The following TLL1 variants were observed in gnomAD, a reference collection of about 807,000 sequenced individuals.
TLL1 encodes tolloid-like protein 1.
TLL1 carries 49 observed loss-of-function variants against 128.2 expected under a neutral mutation model. The ratio of observed to expected loss-of-function variants is 0.38; its 90% confidence interval spans 0.30 to 0.48. TLL1 has a LOEUF of 0.48. Among genes scored for constraint, TLL1 ranks in the 20% least tolerant of loss-of-function variants. The pLI is 0.96. For synonymous variants in TLL1, 454 were observed against 418.8 expected (o/e 1.08, Z -1.03); for missense variants, 1,123 against 1,242.0 (o/e 0.90, Z 1.44).
chr4:166,104,268 A>G lies in TLL1; in HGVS notation c.*3392A>G, dbSNP rs1232175284. On this transcript the variant is annotated 3_prime_UTR_variant, in exon 21 of 21. Transcript: ENST00000061240. ...ATTTTTAAAAGAAACATTAAATTAT[A>G]TCTTTATGTAGATTTAGAAGGACTG... 6.6e-6 allele frequency among the ~76,000 whole-genome samples: 1 copy of G among 151,926 alleles called. No homozygotes were observed. The highest frequency in any genetic ancestry group is 1.5e-5 in the Non-Finnish European group (1 of 67,910).
At chr4:165,934,008 T>C (rs966181921) in intron 1 of TLL1, among the ~76,000 whole-genome samples, 2 of 151,772 alleles carry the variant, frequency 1.3e-5, no homozygotes, top group Non-Finnish European at 2.9e-5. Context: ...CCTCTCTTTC[T>C]TTTTTTTGAG....
At chr4:166,087,474 A>G (rs1003313720) in intron 18 of TLL1, among the ~76,000 whole-genome samples, 4 of 152,116 alleles carry the variant, frequency 2.6e-5, no homozygotes, top group African/African-American at 9.7e-5. Flanking sequence ...ATTTTGTGGG[A>G]AACCAAATGC....
chr4:165,991,206 T>C (rs1736623149), intron 2 of TLL1, among the ~76,000 whole-genome samples: 1 of 152,004 alleles, frequency 6.6e-6, no homozygotes, highest in Admixed American at 6.6e-5. Flanking sequence ...ATTGTTAAAC[T>C]CTGAGACCAT....
intron 1 of TLL1, among the ~76,000 whole-genome samples, chr4:165,923,998 A>G (rs542801002): frequency 2.0e-5 from 3 of 152,264 alleles, no homozygotes; most frequent in Admixed American, 6.5e-5. Flanking sequence ...AACCATGCCC[A>G]TATAAGACAG....
At chr4:165,961,760 T>C (rs1735116395) in intron 1 of TLL1, among the ~76,000 whole-genome samples, 1 of 152,166 alleles carries the variant, frequency 6.6e-6, no homozygotes, top group Admixed American at 6.6e-5. Flanking sequence ...GATAACTGGC[T>C]AGCCATATGC....
chr4:165,929,229 G>C (rs1733406206), intron 1 of TLL1, among the ~76,000 whole-genome samples: 1 of 152,176 alleles, frequency 6.6e-6, no homozygotes, highest in African/African-American at 2.4e-5. Context: ...AGTCAGCTTA[G>C]AGAATGTCAC....
At chr4:166,076,774 A>T (rs1181596499) in intron 17 of TLL1, among the ~76,000 whole-genome samples, 5 of 152,188 alleles carry the variant, frequency 3.3e-5, no homozygotes, top group Non-Finnish European at 7.3e-5. Context: ...TTGCTACCAT[A>T]ATCATAGATT....
At position 166,092,284 on chromosome 4, in the gene TLL1, A is replaced by G. The variant is rs553603295; in HGVS notation, c.2656+943A>G. Reference sequence around the variant, plus strand: ...CATAATTTTAACTATTCCATTATCCAACATTATTTTTCATTCTAGTATATT... The same window carrying G: ...CATAATTTTAACTATTCCATTATCCGACATTATTTTTCATTCTAGTATATT... On this transcript the variant is annotated intron_variant, in intron 19 of 20. Coordinates refer to ENST00000061240, the MANE Select transcript of TLL1 (RefSeq NM_012464.5). Among the ~76,000 whole-genome samples the G allele has an allele frequency of 4.6e-5, 7 of 152,190 alleles. No individual in the cohort carries two copies. The South Asian group carries it at 1.4e-3, about 32-fold the overall frequency.
At position 166,014,498 on chromosome 4, in the gene TLL1, G is replaced by A. The variant is rs1737845720; in HGVS notation, c.980G>A (p.Gly327Asp). The part of the protein sequence containing the change: ...RDDNGIRPAI[G>D]QRTRLSKGDI... ...GATAATGGCATACGTCCTGCAATTG[G>A]TCAGCGAACCCGTCTAAGCAAAGGA... The change falls in exon 8 of 21, where the codon GGT becomes GAT. Residue 327 changes from glycine to aspartate, a missense_variant. Physicochemically the swap from Gly to Asp is moderately conservative, Grantham distance 94. Transcript: ENST00000061240. 1 of 1,612,316 alleles carries A rather than the reference G, an allele frequency of 6.2e-7. No homozygotes were observed. The highest frequency in any genetic ancestry group is 8.5e-7 in the Non-Finnish European group (1 of 1,178,900).
At chr4:165,932,861 A>G (rs1733592586) in intron 1 of TLL1, among the ~76,000 whole-genome samples, 1 of 152,142 alleles carries the variant, frequency 6.6e-6, no homozygotes, top group Non-Finnish European at 1.5e-5. Flanking sequence ...GTGATATTGA[A>G]TTGTTCAATG....
At chr4:166,038,242 T>C (rs1739086291) in intron 9 of TLL1, among the ~76,000 whole-genome samples, 2 of 152,158 alleles carry the variant, frequency 1.3e-5, no homozygotes, top group African/African-American at 4.8e-5. Flanking sequence ...TTCTTTCTTC[T>C]TTTTTTCTTC....
intron 1 of TLL1, among the ~76,000 whole-genome samples, chr4:165,957,856 TC>T (rs1358212182): frequency 1.3e-5 from 1 of 78,692 alleles, no homozygotes; most frequent in Admixed American, 1.6e-4. Context: ...ATGCTATCCC[TC>T]CCCCCTCCCC....
At chr4:166,079,319 T>G (rs1043706000) in intron 18 of TLL1, among the ~76,000 whole-genome samples, 29 of 152,194 alleles carry the variant, frequency 1.9e-4, no homozygotes, top group African/African-American at 6.8e-4. Context: ...ATCCAAATTT[T>G]TTTTGGGTAT....
At chr4:165,925,164 G>A (rs1280625612) in intron 1 of TLL1, among the ~76,000 whole-genome samples, 2 of 152,218 alleles carry the variant, frequency 1.3e-5, no homozygotes, top group African/African-American at 2.4e-5. Context: ...GCTTTCAAGT[G>A]TTATTGGTTA....
At chr4:165,996,036 T>C (rs1032419702) in intron 5 of TLL1, among the ~76,000 whole-genome samples, 1 of 152,152 alleles carries the variant, frequency 6.6e-6, no homozygotes, top group Non-Finnish European at 1.5e-5. Flanking sequence ...CACTATCACA[T>C]CTTCATGTTT....
intron 18 of TLL1, among the ~76,000 whole-genome samples, chr4:166,082,678 G>C (rs561331481): frequency 6.6e-6 from 1 of 151,768 alleles, no homozygotes; most frequent in South Asian, 2.1e-4. Flanking sequence ...TTTTTGTTTT[G>C]TTTCGTTTGT....
At chr4:166,084,663 G>A (rs921525283) in intron 18 of TLL1, among the ~76,000 whole-genome samples, 4 of 151,970 alleles carry the variant, frequency 2.6e-5, no homozygotes, top group Non-Finnish European at 5.9e-5. Flanking sequence ...TGTGTTCTTG[G>A]CATCTTTGTC....
At chr4:166,015,390 T>G (rs1264709486) in intron 8 of TLL1, among the ~76,000 whole-genome samples, 4 of 152,016 alleles carry the variant, frequency 2.6e-5, no homozygotes, top group African/African-American at 9.7e-5. Context: ...ACTATAAAAG[T>G]TTTAATTGGC....
rs1739322093 is a variant in TLL1, at chr4:166,043,342, C to T, written c.1447C>T (p.Arg483Cys). The T allele has an allele frequency of 3.1e-6, 5 of 1,614,126 alleles. No individual in the cohort carries two copies. The highest frequency in any genetic ancestry group is 3.4e-6 in the Non-Finnish European group (4 of 1,179,996). Residue 483 changes from arginine (R) to cysteine (C), a missense_variant, in exon 12 of 21, where the codon CGC becomes TGC. Arg to Cys is a radical substitution (Grantham distance 180). Transcript: ENST00000061240. Reference sequence around the variant, plus strand: ...GTCTCCCAATTATCCTGATGACTATCGCCCGATGAAAGAATGTGTGTGGAA... The same window carrying T: ...GTCTCCCAATTATCCTGATGACTATTGCCCGATGAAAGAATGTGTGTGGAA... ...IQSPNYPDDY[R>C]PMKECVWKIT...
Sources: gnomAD v4.1 joint callset for allele counts (sites outside exome capture counted in the v4.1 genomes callset) on GRCh38, gnomAD v4.1.1 for gene constraint, MANE v1.5 for transcripts, NCBI Gene and HGNC (gene_info 2026-07-23, HGNC 2026-07-21) for gene names.